Variants in CNOT3 observed in about 807,000 individuals in gnomAD.
The protein encoded by CNOT3 is CCR4-associated factor 3.
CNOT3 carries 2 observed loss-of-function variants against 89.4 expected under a neutral mutation model. The observed-to-expected ratio is 0.02, with a 90% CI of 0.01 to 0.07. The LOEUF is 0.07. Among genes scored for constraint, CNOT3 ranks in the 10% least tolerant of loss-of-function variants. The probability of loss-of-function intolerance (pLI) is 1.00; values close to 1 mark genes in which losing one functional copy is unlikely to be tolerated. For synonymous variants in CNOT3, 486 were observed against 402.0 expected, an observed-to-expected ratio of 1.21 and a Z score of -2.50; for missense variants, 664 against 1,010.2, an observed-to-expected ratio of 0.66 and a Z score of 4.65.
intron 12 of CNOT3, 34 bp from the exon 13 acceptor site, chr19:54,149,526 C>T: frequency 1.4e-6 from 2 of 1,432,818 alleles, no homozygotes; most frequent in African/African-American, 1.4e-5. Context: ...CAGGGACCCT[C>T]CTCTCAACCC....
In CNOT3 at chr19:54,143,234, A is replaced by C. The variant is rs376803379; in HGVS notation, c.93+48A>C. 7.1e-6 allele frequency: 11 copies of C among 1,552,728 alleles called. No individual in the cohort carries two copies. In the African/African-American group the frequency reaches 1.5e-4, roughly 21 times the overall value. On this transcript the variant is annotated intron_variant, in intron 3 of 17. Coordinates refer to ENST00000221232, the MANE Select transcript of CNOT3 (RefSeq NM_014516.4). Reference sequence around the variant, plus strand: ...AATCTGGGTCTTCAGAGAGGAGGGCACAGGAAGGCGGCTCAGGACCTCTGG... The same window carrying C: ...AATCTGGGTCTTCAGAGAGGAGGGCCCAGGAAGGCGGCTCAGGACCTCTGG...
In CNOT3 at chr19:54,148,836, C is replaced by G; in HGVS notation, c.1406+93C>G. On this transcript the variant is annotated intron_variant, in intron 12 of 17. Coordinates refer to ENST00000221232, the MANE Select transcript of CNOT3 (RefSeq NM_014516.4). This position sits in a 1 kb window ranked among gnomAD's most constrained non-coding sequence, Gnocchi z 6.3. ...ACCCCCGCATCGGTGGGTTCTGAACCCCCCGCCCTTGCTGCTGGGAATGGC... is the reference window on the plus strand; with the variant it reads ...ACCCCCGCATCGGTGGGTTCTGAACGCCCCGCCCTTGCTGCTGGGAATGGC... 1 of 1,159,304 alleles carries G rather than the reference C, an allele frequency of 8.6e-7. No individual in the cohort carries two copies. Among genetic ancestry groups the G allele is most frequent in the Non-Finnish European group, 1.2e-6 (1 of 826,246 alleles). 71.8% of individuals were successfully genotyped at this position (1,159,304 alleles called of 1,614,324 possible).
intron 17 of CNOT3, 128 bp downstream of exon 17, chr19:54,153,968 A>G (rs756306512): frequency 2.5e-6 from 3 of 1,194,300 alleles, no homozygotes; most frequent in Non-Finnish European, 3.7e-6. Context: ...CAGCCTGACC[A>G]AGTACTCCTC....
In CNOT3 at chr19:54,143,007, C is replaced by T. The variant is rs181011894; in HGVS notation, c.25+4C>T. 1.3e-4 allele frequency: 205 copies of T among 1,614,112 alleles called. No individual in the cohort carries two copies. In the African/African-American group the frequency reaches 2.6e-3, roughly 20 times the overall value. On this transcript the variant is annotated splice_donor_region_variant and intron_variant, in intron 2 of 17. Transcript: ENST00000221232. ...GCGGACAAGCGCAAACTCCAAGGTA[C>T]TAGACTGACTTCCTGCTGCACCTGT... is the stretch of plus-strand genomic sequence containing the variant.
Position 54,137,788 on chromosome 19 carries a change from C to A in CNOT3, c.-256C>A, listed in dbSNP as rs1276823982. On this transcript the variant is annotated 5_prime_UTR_variant, in exon 1 of 18. Transcript: ENST00000221232. Reference sequence around the variant, plus strand: ...TCTTGGACCGGGCCCGGTCAGCTTCCGCGGAGCCATCGGCAGACGCCGCGG... The same window carrying A: ...TCTTGGACCGGGCCCGGTCAGCTTCAGCGGAGCCATCGGCAGACGCCGCGG... 1.3e-5 allele frequency: 2 copies of A among 152,120 alleles called. No homozygotes were observed. Among genetic ancestry groups the A allele is most frequent in the African/African-American group, 2.4e-5 (1 of 41,418 alleles). The allele number at this position is 152,120 out of a possible 1,614,324, so 9.4% of individuals were successfully genotyped here. A position where few individuals can be genotyped will look rare whatever the true frequency, so the allele number is the denominator to read the frequency against.
chr19:54,150,056 C>T (rs1304853481), intron 13 of CNOT3, among the ~76,000 whole-genome samples: 1 of 152,032 alleles, frequency 6.6e-6, no homozygotes, highest in Non-Finnish European at 1.5e-5. Flanking sequence ...CATCTTCATC[C>T]CCCCCGCAGG....
At chr19:54,139,145 C>T (rs1380283221) in intron 1 of CNOT3, among the ~76,000 whole-genome samples, 1 of 152,186 alleles carries the variant, frequency 6.6e-6, no homozygotes, top group Non-Finnish European at 1.5e-5. Flanking sequence ...CCTCTCAGTG[C>T]AGGGCGGCCA....
At chr19:54,149,098 C>G (rs1212115913) in intron 12 of CNOT3, among the ~76,000 whole-genome samples, 1 of 152,212 alleles carries the variant, frequency 6.6e-6, no homozygotes, top group Non-Finnish European at 1.5e-5. Context: ...TCCCGAAGTC[C>G]TTATTCCTCT....
rs587722598 is a variant in CNOT3, at chr19:54,147,944, A to G, written c.895-204A>G. On this transcript the variant is annotated intron_variant, in intron 10 of 17. Coordinates refer to ENST00000221232, the MANE Select transcript of CNOT3 (RefSeq NM_014516.4). ...ACTTGGGAAGCTGGGCAGGCTGGAA[A>G]TCAGTGTGAGTGTTTTAAGCATGAA... Among the ~76,000 whole-genome samples, 5 of 152,180 alleles carry G rather than the reference A, an allele frequency of 3.3e-5. No homozygotes were observed. The South Asian group carries it at 1.0e-3, about 32-fold the overall frequency.
intron 10 of CNOT3, 85 bp downstream of exon 10, chr19:54,146,742 C>T: frequency 1.2e-6 from 1 of 806,548 alleles, no homozygotes; most frequent in East Asian, 2.4e-5. Context: ...GCGCCGGCCA[C>T]TGTGCTGGGC....
chr19:54,150,630 C>T (rs1482451032), intron 13 of CNOT3, among the ~76,000 whole-genome samples: 1 of 137,578 alleles, frequency 7.3e-6, no homozygotes. Context: ...GTGTGCGCGC[C>T]CAGGCTGTCC....
Position 54,143,485 on chromosome 19 carries a change from C to G in CNOT3, c.137C>G (p.Ala46Gly), listed in dbSNP as rs1160530445. The G allele has an allele frequency of 6.2e-7, 1 of 1,614,024 alleles. No individual in the cohort carries two copies. Among genetic ancestry groups the G allele is most frequent in the Non-Finnish European group, 8.5e-7 (1 of 1,180,016 alleles). ...ANANQKEKYEADLKKEIKKLQ... is the reference protein window; with the variant it reads ...ANANQKEKYEGDLKKEIKKLQ... ...GCGAACCAGAAAGAAAAGTATGAGG[C>G]TGACCTAAAGAAGGAGATTAAGAAG... The change falls in exon 4 of 18, where the codon GCT becomes GGT. Residue 46 changes from alanine to glycine, a missense_variant. Ala to Gly is a moderately conservative substitution (Grantham distance 60). Around this residue, in one of 8 missense-constraint regions of CNOT3, gnomAD observed 27 missense variants for 158.2 expected, o/e 0.17. Transcript: ENST00000221232.
At position 54,146,025 on chromosome 19, in the gene CNOT3, C is replaced by T. The variant is rs150342696; in HGVS notation, c.819C>T (p.Ser273=). 332 of 1,613,064 alleles carry T rather than the reference C, an allele frequency of 2.1e-4. No homozygotes were observed. The highest frequency in any genetic ancestry group is 2.4e-4 in the Non-Finnish European group (287 of 1,179,348). The change falls in exon 9 of 18, where the codon AGC becomes AGT. Residue 273 remains serine, a synonymous_variant. Transcript: ENST00000221232. The stretch of plus-strand genomic sequence containing the variant: ...CCTCCAGCTCTCCCATCCCGCCCAG[C>T]CCAGCCAACTGTACCACGGTGAGGC... ...STTSSSPIPP[S]PANCTTENSE... is the part of the protein sequence containing the mutation.
At chr19:54,140,064 C>T (rs1367434215) in intron 1 of CNOT3, among the ~76,000 whole-genome samples, 3 of 152,174 alleles carry the variant, frequency 2.0e-5, no homozygotes, top group Admixed American at 6.5e-5. Flanking sequence ...GGGCACATGA[C>T]GGCCCCCAAG....
Position 54,144,158 on chromosome 19 carries a change from G to A in CNOT3, c.387+24G>A. 1 of 1,609,122 alleles carries A rather than the reference G, an allele frequency of 6.2e-7. No homozygotes were observed. The highest frequency in any genetic ancestry group is 8.5e-7 in the Non-Finnish European group (1 of 1,177,034). On this transcript the variant is annotated intron_variant, in intron 6 of 17. Coordinates refer to ENST00000221232, the MANE Select transcript of CNOT3 (RefSeq NM_014516.4). This position sits in a 1 kb window ranked among gnomAD's most constrained non-coding sequence, Gnocchi z 4.8. ...CGGTGAGTTGGGGTAGAGAAGAGGA[G>A]GTGAACTCTGAGGATCCTGAGCCCT...
intron 17 of CNOT3, chr19:54,154,984 A>C: frequency 2.5e-6 from 1 of 394,822 alleles, no homozygotes; most frequent in Non-Finnish European, 4.6e-6. Flanking sequence ...TGCATCCTGT[A>C]CTCACGTGAG....
intron 10 of CNOT3, among the ~76,000 whole-genome samples, chr19:54,146,919 G>C (rs908083001): frequency 3.9e-5 from 6 of 152,232 alleles, no homozygotes; most frequent in African/African-American, 1.2e-4. Context: ...TTCACAGTCA[G>C]GTGAGTTTGC....
chr19:54,155,221 CT>C (rs1167491893), intron 17 of CNOT3, 87 bp from the exon 18 acceptor site: 1 of 1,548,300 alleles, frequency 6.5e-7, no homozygotes, highest in Non-Finnish European at 8.7e-7. Context: ...ATCCACAGCC[CT>C]AAGAATTGTC....
At position 54,143,345 on chromosome 19, in the gene CNOT3, G is replaced by A. The variant is rs181417057; in HGVS notation, c.94-97G>A. 1,916 of 1,354,778 alleles carry A rather than the reference G, an allele frequency of 1.4e-3. 6 individuals carry two copies. Among genetic ancestry groups the A allele is most frequent in the Non-Finnish European group, 1.7e-3 (1,638 of 948,652 alleles). The allele number at this position is 1,354,778 out of a possible 1,614,324, so 83.9% of individuals were successfully genotyped here. On this transcript the variant is annotated intron_variant, in intron 3 of 17. Coordinates refer to ENST00000221232, the MANE Select transcript of CNOT3 (RefSeq NM_014516.4). ...AAGATGGATTGGGGGTAGGGGTTGGGGGGGGTCCTCGAGTCCCTAGCATAA... is the reference window on the plus strand; with the variant it reads ...AAGATGGATTGGGGGTAGGGGTTGGAGGGGGTCCTCGAGTCCCTAGCATAA...
Sources: gnomAD v4.1 joint callset for allele counts (sites outside exome capture counted in the v4.1 genomes callset) on GRCh38, gnomAD v4.1.1 for gene constraint, gnomAD v4.1.1 regional missense constraint, Gnocchi (gnomAD v3.1) non-coding constraint, MANE v1.5 for transcripts, NCBI Gene and HGNC (gene_info 2026-07-23, HGNC 2026-07-21) for gene names.